HCRTR1: variants seen among roughly 807,000 people sequenced by gnomAD.
HCRTR1 encodes the protein hypocretin receptor 1.
In HCRTR1, 28 loss-of-function variants were observed where a neutral mutation model predicts 40.6. That is an observed-to-expected ratio of 0.69 (90% CI 0.51 to 0.95). HCRTR1 has a LOEUF of 0.95. HCRTR1 is among the 40% of genes least tolerant of loss of function. HCRTR1 has a pLI of 0.00. For synonymous variants in HCRTR1, 209 were observed against 230.0 expected (o/e 0.91, Z 0.83); for missense variants, 482 against 564.7 (o/e 0.85, Z 1.48).
downstream of HCRTR1, among the ~76,000 whole-genome samples, chr1:31,628,933 CCCACAGAGAAAA>C (rs1334206843): frequency 6.6e-6 from 1 of 152,098 alleles, no homozygotes; most frequent in Non-Finnish European, 1.5e-5. Flanking sequence ...TCCTGGGTGG[CCCACAGAGAAAA>C]CCACAGCAAA....
rs998093624 is a variant in HCRTR1 at position 31,624,871 on chromosome 1, G to T, written c.966-126G>T. The T allele has an allele frequency of 4.1e-5, 43 of 1,059,366 alleles. 1 individual carries two copies. In the South Asian group the frequency reaches 8.0e-4, roughly 20 times the overall value. The allele number at this position is 1,059,366 out of a possible 1,614,324, so 65.6% of individuals were successfully genotyped here. ...CAAGACCTCAGGTACAGAAGGCCAG[G>T]AAACGTGGACAGAAGTGGGCAGTAG... On this transcript the variant is annotated intron_variant, in intron 7 of 8. Coordinates refer to ENST00000403528, the MANE Select transcript of HCRTR1 (RefSeq NM_001525.3).
Position 31,620,971 on chromosome 1 carries a change from G to A in HCRTR1, c.507G>A (p.Trp169Ter). Residue 169 changes from tryptophan (W) to a stop codon, truncating the protein, a stop_gained, in exon 5 of 9, where the codon TGG becomes TGA. Coordinates refer to ENST00000403528, the MANE Select transcript of HCRTR1 (RefSeq NM_001525.3). LOFTEE classifies it high-confidence loss of function. Reference protein sequence around the residue: ...RRARGSILGIWAVSLAIMVPQ... With the variant: ...RRARGSILGI Reference sequence around the variant, plus strand: ...CCCGTGGCTCCATCCTGGGCATCTGGGCTGTGTCGCTGGCCATCATGGTGC... The same window carrying A: ...CCCGTGGCTCCATCCTGGGCATCTGAGCTGTGTCGCTGGCCATCATGGTGC... 6.2e-7 allele frequency: 1 copy of A among 1,614,056 alleles called. No homozygotes were observed. Among genetic ancestry groups the A allele is most frequent in the Non-Finnish European group, 8.5e-7 (1 of 1,180,030 alleles).
rs113453814 is a variant in HCRTR1 at position 31,619,173 on chromosome 1, C to T, written c.-20C>T. The T allele has an allele frequency of 1.9e-6, 3 of 1,603,830 alleles. No homozygotes were observed. Among genetic ancestry groups the T allele is most frequent in the Non-Finnish European group, 2.5e-6 (3 of 1,177,780 alleles). ...CTGTAGAGCCTAGGATGCCCCTCTGCTGCAGCGGCTCCTGAGCTCATGGAG... is the reference window on the plus strand; with the variant it reads ...CTGTAGAGCCTAGGATGCCCCTCTGTTGCAGCGGCTCCTGAGCTCATGGAG... On this transcript the variant is annotated 5_prime_UTR_variant, in exon 3 of 9. Coordinates refer to ENST00000403528, the MANE Select transcript of HCRTR1 (RefSeq NM_001525.3).
chr1:31,625,270 A>C lies in HCRTR1; in HGVS notation c.1087+152A>C. On this transcript the variant is annotated intron_variant, in intron 8 of 8. Transcript: ENST00000403528. The surrounding 1 kb of genome is among the most constrained non-coding windows in gnomAD (Gnocchi z 4.2). ...ATCCTGCTCTGGGAGGACCCACCCC[A>C]AGCGGCCCTGGCCTGAGTGGGAGAC... 1 of 988,386 alleles carries C rather than the reference A, an allele frequency of 1.0e-6. No individual in the cohort carries two copies. Among genetic ancestry groups the C allele is most frequent in the Non-Finnish European group, 1.4e-6 (1 of 705,610 alleles). The allele number at this position is 988,386 out of a possible 1,614,324, so 61.2% of individuals were successfully genotyped here.
downstream of HCRTR1, chr1:31,630,743 C>T (rs763547860): frequency 1.7e-5 from 28 of 1,614,014 alleles, no homozygotes; most frequent in Admixed American, 3.2e-4. Flanking sequence ...CTGGATGAAG[C>T]GGTCAAGCTG....
downstream of HCRTR1, chr1:31,630,521 G>A: frequency 1.6e-6 from 2 of 1,241,618 alleles, no homozygotes; most frequent in Non-Finnish European, 1.1e-6. Context: ...TCTTCTAGAG[G>A]GACAGGAAAA....
At chr1:31,620,160 G>A (rs1254552237) in intron 4 of HCRTR1, among the ~76,000 whole-genome samples, 3 of 152,186 alleles carry the variant, frequency 2.0e-5, no homozygotes, top group South Asian at 2.1e-4. Flanking sequence ...CAGGATGTCC[G>A]GATGGGGTTA....
At chr1:31,632,872 C>T (rs950442006), downstream of HCRTR1, among the ~76,000 whole-genome samples, 1 of 152,206 alleles carries the variant, frequency 6.6e-6, no homozygotes, top group Non-Finnish European at 1.5e-5. Context: ...TCTCTGCAGG[C>T]TTGGCACCTG....
At chr1:31,621,213 G>A (rs1365272234) in intron 5 of HCRTR1, 127 bp downstream of exon 5, 48 of 1,276,868 alleles carry the variant, frequency 3.8e-5, no homozygotes, top group South Asian at 2.9e-4. Flanking sequence ...TTCCCTAGGG[G>A]ACACCCTAGA....
chr1:31,621,428 G>A, intron 5 of HCRTR1, 49 bp from the exon 6 acceptor site: 9 of 1,383,238 alleles, frequency 6.5e-6, no homozygotes, highest in Non-Finnish European at 9.3e-6. Flanking sequence ...ACCAGGGCAG[G>A]GTGGGGCTCA....
chr1:31,633,374 C>T (rs1160768647), downstream of HCRTR1: 18 of 1,516,274 alleles, frequency 1.2e-5, no homozygotes, highest in Non-Finnish European at 2.7e-6. Context: ...GCCTCAGTAA[C>T]TTCCTGGCTA....
chr1:31,623,025 G>C (rs1471637744), intron 6 of HCRTR1, among the ~76,000 whole-genome samples: 1 of 152,160 alleles, frequency 6.6e-6, no homozygotes, highest in Non-Finnish European at 1.5e-5. Flanking sequence ...TTCACAAAGA[G>C]CTAATGGAAA....
chr1:31,629,459 C>G (rs1325998675), downstream of HCRTR1, among the ~76,000 whole-genome samples: 5 of 152,070 alleles, frequency 3.3e-5, no homozygotes, highest in Admixed American at 2.6e-4. Flanking sequence ...ATCTAAAGAT[C>G]TGACTTGCAA....
In HCRTR1 at chr1:31,623,760, G is replaced by A. The variant is rs199761015; in HGVS notation, c.965+11G>A. On this transcript the variant is annotated intron_variant, in intron 7 of 8. Coordinates refer to ENST00000403528, the MANE Select transcript of HCRTR1 (RefSeq NM_001525.3). The stretch of plus-strand genomic sequence containing the variant: ...CAATGTCCTTAAGAGGTGAGAGCAC[G>A]GGGTATGGTTGGGGTGGGGAGAAGT... The A allele has an allele frequency of 5.8e-4, 929 of 1,604,352 alleles. No homozygotes were observed. Among genetic ancestry groups the A allele is most frequent in the African/African-American group, 1.8e-3 (138 of 74,872 alleles).
rs142288232 is a variant in HCRTR1, at chr1:31,619,252, G to A, written c.60G>A (p.Pro20=). The A allele has an allele frequency of 6.1e-5, 98 of 1,613,750 alleles. No homozygotes were observed. Among genetic ancestry groups the A allele is most frequent in the African/African-American group, 4.9e-4 (37 of 74,946 alleles). Residue 20 remains proline, a synonymous_variant, in exon 3 of 9, where the codon CCG becomes CCA. Coordinates refer to ENST00000403528, the MANE Select transcript of HCRTR1 (RefSeq NM_001525.3). The part of the protein sequence containing the change: ...QMGVPPGSRE[P]SPVPPDYEDE... Reference sequence around the variant, plus strand: ...GGGTCCCCCCTGGCAGCAGAGAGCCGTCCCCTGTGCCTCCAGACTATGAAG... The same window carrying A: ...GGGTCCCCCCTGGCAGCAGAGAGCCATCCCCTGTGCCTCCAGACTATGAAG...
At chr1:31,622,869 G>A (rs1639887082) in intron 6 of HCRTR1, among the ~76,000 whole-genome samples, 1 of 152,212 alleles carries the variant, frequency 6.6e-6, no homozygotes, top group African/African-American at 2.4e-5. Flanking sequence ...CTCAAAGATA[G>A]TGTTGGAGAT....
At chr1:31,628,932 G>C (rs184433240), downstream of HCRTR1, among the ~76,000 whole-genome samples, 21 of 152,236 alleles carry the variant, frequency 1.4e-4, no homozygotes, top group Admixed American at 2.6e-4. Flanking sequence ...GTCCTGGGTG[G>C]CCCACAGAGA....
chr1:31,623,777 G>A (rs1557578979), intron 7 of HCRTR1, 28 bp downstream of exon 7: 4 of 1,576,348 alleles, frequency 2.5e-6, no homozygotes, highest in Admixed American at 1.7e-5. Flanking sequence ...GGTTGGGGTG[G>A]GGAGAAGTTT....
At chr1:31,633,806 T>G (rs1336191494), downstream of HCRTR1, among the ~76,000 whole-genome samples, 1 of 151,872 alleles carries the variant, frequency 6.6e-6, no homozygotes, top group Admixed American at 6.6e-5. Flanking sequence ...AAATAGAAAA[T>G]TAGCCGGGCA....
Sources: gnomAD v4.1 joint callset for allele counts (sites outside exome capture counted in the v4.1 genomes callset) on GRCh38, gnomAD v4.1.1 for gene constraint, Gnocchi (gnomAD v3.1) non-coding constraint, MANE v1.5 for transcripts, NCBI Gene and HGNC (gene_info 2026-07-23, HGNC 2026-07-21) for gene names.